Variants in RFX3 observed in about 807,000 individuals in gnomAD.
RFX3 encodes regulatory factor X3, also known as transcription factor RFX3.
In RFX3, 14 loss-of-function variants were observed where a neutral mutation model predicts 98.6. That is an observed-to-expected ratio of 0.14 (90% CI 0.09 to 0.22). The LOEUF is 0.22. Ranked by LOEUF, RFX3 falls within the 10% of genes least tolerant of loss-of-function variation. The pLI, the probability that RFX3 is intolerant of heterozygous loss-of-function variation, is 1.00. For synonymous variants in RFX3, 383 were observed against 328.4 expected (o/e 1.17, Z -1.80); for missense variants, 639 against 926.9 (o/e 0.69, Z 4.03).
intron 1 of RFX3, among the ~76,000 whole-genome samples, chr9:3,493,456 A>G (rs1390421971): frequency 6.6e-6 from 1 of 151,894 alleles, no homozygotes; most frequent in South Asian, 2.1e-4. Flanking sequence ...AGGCCGAGGC[A>G]GGCAGATCAC....
chr9:3,493,668 A>T (rs1665201532), intron 1 of RFX3, among the ~76,000 whole-genome samples: 1 of 139,618 alleles, frequency 7.2e-6, no homozygotes, highest in South Asian at 2.3e-4. Context: ...TGGGCGACAA[A>T]GCGAGACTCA....
intron 4 of RFX3, among the ~76,000 whole-genome samples, chr9:3,311,942 C>G (rs1176398121): frequency 6.6e-6 from 1 of 152,140 alleles, no homozygotes; most frequent in African/African-American, 2.4e-5. Context: ...AATGGAGACT[C>G]TGTCCCCAGG....
At position 3,316,472 on chromosome 9, in the gene RFX3, G is replaced by A. The variant is rs1830604452; in HGVS notation, c.474+13787C>T. Among the ~76,000 whole-genome samples, 3 of 152,266 alleles carry A rather than the reference G, an allele frequency of 2.0e-5. No homozygotes were observed. In the South Asian group the frequency reaches 6.2e-4, roughly 32 times the overall value. ...TCCCTTTGAAAACTGGCACAAGACA[G>A]GGATACCCTCTCTCACCGCTCCTAT... On this transcript the variant is annotated intron_variant, in intron 4 of 16. Transcript: ENST00000617270.
At chr9:3,254,075 C>T (rs977754034) in intron 14 of RFX3, among the ~76,000 whole-genome samples, 1 of 152,014 alleles carries the variant, frequency 6.6e-6, no homozygotes, top group African/African-American at 2.4e-5. Context: ...ATAATAGTAT[C>T]TAATAATAAC....
rs374605706 is a variant in RFX3 at position 3,433,921 on chromosome 9, A to T, written c.-8-38325T>A. ...TAAACAAATGGGCATGGCTGTCCCA[A>T]TAAAACATTATTTACAAAAATAGGC... On this transcript the variant is annotated intron_variant, in intron 1 of 16. Coordinates refer to ENST00000617270, the MANE Select transcript of RFX3 (RefSeq NM_001282116.2). 1.2e-4 allele frequency among the ~76,000 whole-genome samples: 18 copies of T among 152,306 alleles called. No homozygotes were observed. In the East Asian group the frequency reaches 3.5e-3, roughly 29 times the overall value.
rs574409029 is a variant in RFX3 at position 3,500,696 on chromosome 9, A to C, written c.-9+25051T>G. The stretch of plus-strand genomic sequence containing the variant: ...TAAAATTGATATTTCCCAAATAAGA[A>C]CAAATCATTCAAACACACGCACTAC... On this transcript the variant is annotated intron_variant, in intron 1 of 16. Coordinates refer to ENST00000617270, the MANE Select transcript of RFX3 (RefSeq NM_001282116.2). Among the ~76,000 whole-genome samples the C allele has an allele frequency of 3.0e-4, 45 of 152,322 alleles. No homozygotes were observed. In the South Asian group the frequency reaches 9.3e-3, roughly 32 times the overall value.
rs1033762780 is a variant in RFX3, at chr9:3,222,041, G to A, written c.*3001C>T. 2 of 152,040 alleles carry A rather than the reference G, an allele frequency of 1.3e-5. No individual in the cohort carries two copies. The highest frequency in any genetic ancestry group is 1.9e-4 in the East Asian group (1 of 5,198). 9.4% of individuals were successfully genotyped at this position (152,040 alleles called of 1,614,324 possible). A position where few individuals can be genotyped will look rare whatever the true frequency, so the allele number is the denominator to read the frequency against. On this transcript the variant is annotated 3_prime_UTR_variant, in exon 17 of 17. Coordinates refer to ENST00000617270, the MANE Select transcript of RFX3 (RefSeq NM_001282116.2). Reference sequence around the variant, plus strand: ...CCCACACTTTCAATGAGTGAAAAAAGGGAAAAAGGGAAATAAATGCAATAA... The same window carrying A: ...CCCACACTTTCAATGAGTGAAAAAAAGGAAAAAGGGAAATAAATGCAATAA...
intron 1 of RFX3, among the ~76,000 whole-genome samples, chr9:3,473,971 C>A (rs975044556): frequency 6.6e-6 from 1 of 151,910 alleles, no homozygotes; most frequent in Non-Finnish European, 1.5e-5. Context: ...AGCATGGAAG[C>A]CAAGCATAGA....
rs539877009 is a variant in RFX3 at position 3,450,347 on chromosome 9, T to C, written c.-8-54751A>G. ...AACAACATAAAACACAGTTAAAATG[T>C]ATTTTAACTATCCTCAGAGGTCATG... On this transcript the variant is annotated intron_variant, in intron 1 of 16. Transcript: ENST00000617270. Among the ~76,000 whole-genome samples the C allele has an allele frequency of 1.6e-3, 251 of 152,302 alleles. 1 individual carries two copies. The highest frequency in any genetic ancestry group is 5.8e-3 in the African/African-American group (242 of 41,572).
At chr9:3,263,155 T>C (rs952412098) in intron 12 of RFX3, 71 bp from the exon 13 acceptor site, 97 of 1,513,778 alleles carry the variant, frequency 6.4e-5, no homozygotes, top group Non-Finnish European at 8.5e-5. Context: ...TTTTCAAATC[T>C]TCTTTCCCTT....
intron 2 of RFX3, among the ~76,000 whole-genome samples, chr9:3,390,970 A>C (rs570273624): frequency 6.6e-6 from 1 of 152,346 alleles, no homozygotes; most frequent in South Asian, 2.1e-4. Context: ...CAACCTATAT[A>C]TAATATTGAA....
intron 3 of RFX3, among the ~76,000 whole-genome samples, chr9:3,334,553 AAAG>A (rs1399301896): frequency 2.0e-5 from 3 of 152,206 alleles, no homozygotes; most frequent in Non-Finnish European, 4.4e-5. Context: ...AAAAATGACC[AAAG>A]AAGAGGAGAA....
chr9:3,437,544 G>C (rs1001646374), intron 1 of RFX3, among the ~76,000 whole-genome samples: 1 of 152,060 alleles, frequency 6.6e-6, no homozygotes, highest in Admixed American at 6.6e-5. Context: ...GTAGAAGAAG[G>C]CAACTTCAAG....
chr9:3,415,427 A>T (rs1842901636), intron 1 of RFX3, among the ~76,000 whole-genome samples: 1 of 151,766 alleles, frequency 6.6e-6, no homozygotes, highest in African/African-American at 2.4e-5. Flanking sequence ...AGCATTTTTA[A>T]TATACACAAT....
Position 3,228,867 on chromosome 9 carries a change from G to C in RFX3, c.1991C>G (p.Ser664Cys). The C allele has an allele frequency of 6.2e-7, 1 of 1,610,596 alleles. No homozygotes were observed. The highest frequency in any genetic ancestry group is 1.1e-5 in the South Asian group (1 of 90,156). ...CTTACCTTTATCCAGATTTCCAGGA[G>C]ACACGGCATTTAAATCACCAAACTG... Reference protein sequence around the residue: ...MGEFGDLNAVSPGNLDKDEGS... With the variant: ...MGEFGDLNAVCPGNLDKDEGS... Residue 664 changes from serine to cysteine, a missense_variant, in exon 16 of 17, where the codon TCT (serine) becomes TGT (cysteine). This residue lies in a region of RFX3 where 129 missense variants were observed against 124.6 expected (regional missense o/e 1.04). Transcript: ENST00000617270.
intron 2 of RFX3, among the ~76,000 whole-genome samples, chr9:3,372,684 C>T (rs757755975): frequency 5.9e-5 from 9 of 151,746 alleles, no homozygotes; most frequent in African/African-American, 1.5e-4. Flanking sequence ...CTCCAGGGTT[C>T]GAGTGATTCT....
chr9:3,277,516 G>A (rs948640605), intron 7 of RFX3, 55 bp from the exon 8 acceptor site: 3 of 1,495,724 alleles, frequency 2.0e-6, no homozygotes, highest in Middle Eastern at 1.7e-4. Context: ...TTGCTTTTTT[G>A]TACTACCCGA....
chr9:3,366,606 A>T (rs1837102958), intron 2 of RFX3, among the ~76,000 whole-genome samples: 1 of 149,114 alleles, frequency 6.7e-6, no homozygotes, highest in Admixed American at 6.7e-5. Flanking sequence ...CTCTACCACT[A>T]GTCTGTTTTT....
chr9:3,265,625 A>G (rs1823527655), intron 12 of RFX3, among the ~76,000 whole-genome samples: 2 of 152,192 alleles, frequency 1.3e-5, no homozygotes. Flanking sequence ...TAGGAGACAA[A>G]GTAGAGACTA....
Sources: allele counts gnomAD v4.1 joint callset (sites outside exome capture counted in the v4.1 genomes callset), GRCh38; gene constraint gnomAD v4.1.1; regional missense constraint gnomAD v4.1.1; transcripts MANE v1.5; gene names NCBI Gene and HGNC (gene_info 2026-07-23, HGNC 2026-07-21).